C12orf42: variants seen among roughly 807,000 people sequenced by gnomAD.
C12orf42 encodes the protein uncharacterized protein C12orf42.
A neutral mutation model predicts 21.6 loss-of-function variants in C12orf42; 25 were observed. The observed-to-expected ratio is 1.16, with a 90% CI of 0.84 to 1.62. C12orf42 has a LOEUF of 1.62. C12orf42 is among the 40% of genes most tolerant of loss of function. The pLI, the probability that C12orf42 is intolerant of heterozygous loss-of-function variation, is 0.00. For synonymous variants in C12orf42, 174 were observed against 175.0 expected (o/e 0.99, Z 0.05); for missense variants, 483 against 459.3 (o/e 1.05, Z -0.47).
the C12orf42 span, among the ~76,000 whole-genome samples, chr12:103,065,683 C>T: frequency 3.1e-4 from 47 of 152,168 alleles, no homozygotes; most frequent in Non-Finnish European, 6.2e-4. Context: ...GACCTTCTAC[C>T]TTCGTAAAAT....
the C12orf42 span, among the ~76,000 whole-genome samples, chr12:103,058,463 C>T: frequency 6.6e-6 from 1 of 152,166 alleles, no homozygotes; most frequent in Admixed American, 6.5e-5. Context: ...AGGACTTGAA[C>T]TCAGCTCTGG....
the C12orf42 span, chr12:103,159,391 A>G: frequency 6.6e-6 from 1 of 152,198 alleles, no homozygotes; most frequent in African/African-American, 2.4e-5. Flanking sequence ...CCTGCCATAT[A>G]TACTAGACGT....
the C12orf42 span, among the ~76,000 whole-genome samples, chr12:103,226,524 G>T: frequency 6.6e-6 from 1 of 152,154 alleles, no homozygotes; most frequent in Non-Finnish European, 1.5e-5. Flanking sequence ...TCTGATTTGG[G>T]ATAAAGAAAA....
chr12:103,299,264 C>T (rs966566461), downstream of C12orf42, among the ~76,000 whole-genome samples: 6 of 151,800 alleles, frequency 4.0e-5, no homozygotes, highest in Non-Finnish European at 1.5e-5. Flanking sequence ...GTAACTACTT[C>T]GTGAAGCCAT....
intron 2 of C12orf42, among the ~76,000 whole-genome samples, chr12:103,445,744 A>G (rs1951538073): frequency 6.6e-6 from 1 of 152,068 alleles, no homozygotes; most frequent in African/African-American, 2.4e-5. Flanking sequence ...AATGGAATCA[A>G]TTCTTTAAGT....
the C12orf42 span, among the ~76,000 whole-genome samples, chr12:103,075,368 C>T: frequency 9.2e-5 from 14 of 152,138 alleles, no homozygotes; most frequent in East Asian, 1.4e-3. Flanking sequence ...TGTTAGAATT[C>T]GATGTAGATC....
At chr12:103,118,213 C>T in the C12orf42 span, among the ~76,000 whole-genome samples, 4 of 152,178 alleles carry the variant, frequency 2.6e-5, no homozygotes, top group South Asian at 2.1e-4. Context: ...AGAACAGGCA[C>T]CATGACTTAT....
At chr12:103,405,547 T>C (rs747794922) in intron 2 of C12orf42, among the ~76,000 whole-genome samples, 4 of 152,150 alleles carry the variant, frequency 2.6e-5, no homozygotes, top group Non-Finnish European at 5.9e-5. Flanking sequence ...TCATGACCTC[T>C]TTCCATCTGA....
At chr12:103,308,868 A>G (rs2038652664) in intron 4 of C12orf42, among the ~76,000 whole-genome samples, 1 of 152,202 alleles carries the variant, frequency 6.6e-6, no homozygotes, top group Non-Finnish European at 1.5e-5. Flanking sequence ...AAACAGAGAT[A>G]CAAACATGCA....
the C12orf42 span, among the ~76,000 whole-genome samples, chr12:103,116,587 G>C: frequency 7.9e-5 from 12 of 152,090 alleles, 1 homozygote; most frequent in Admixed American, 3.9e-4. Context: ...AGTATTCATT[G>C]TGTACTCACC....
the C12orf42 span, among the ~76,000 whole-genome samples, chr12:103,187,983 G>T: frequency 6.6e-6 from 1 of 152,156 alleles, no homozygotes; most frequent in Non-Finnish European, 1.5e-5. Flanking sequence ...TGTACTGCTT[G>T]CTACCTCAAT....
At chr12:103,344,920 C>T (rs141387681) in intron 4 of C12orf42, among the ~76,000 whole-genome samples, 25 of 152,308 alleles carry the variant, frequency 1.6e-4, no homozygotes, top group Non-Finnish European at 3.5e-4. Context: ...AGCTACTCTT[C>T]ACAAGGTAGC....
At chr12:103,085,232 G>A in the C12orf42 span, among the ~76,000 whole-genome samples, 2 of 152,032 alleles carry the variant, frequency 1.3e-5, no homozygotes, top group Non-Finnish European at 2.9e-5. Context: ...TAGAACCCAC[G>A]AGTTCCTACA....
At chr12:103,447,723 G>A (rs1790417109) in intron 2 of C12orf42, among the ~76,000 whole-genome samples, 1 of 151,804 alleles carries the variant, frequency 6.6e-6, no homozygotes, top group Admixed American at 6.6e-5. Flanking sequence ...AAATGCTTAG[G>A]AATATACCTA....
chr12:103,115,270 C>A, the C12orf42 span, among the ~76,000 whole-genome samples: 6 of 152,090 alleles, frequency 3.9e-5, no homozygotes, highest in Non-Finnish European at 8.8e-5. Context: ...TTTATTGCGA[C>A]CATAAAATAA....
At chr12:103,389,618 T>G (rs11111545) in intron 3 of C12orf42, among the ~76,000 whole-genome samples, 94 of 152,340 alleles carry the variant, frequency 6.2e-4, no homozygotes, top group African/African-American at 2.2e-3. Flanking sequence ...AATGTAAAAA[T>G]TCCACTGTAT....
chr12:103,090,487 G>A, the C12orf42 span, among the ~76,000 whole-genome samples: 1 of 152,006 alleles, frequency 6.6e-6, no homozygotes, highest in Non-Finnish European at 1.5e-5. Flanking sequence ...CTCTGCAAAT[G>A]GGCCTAAAAA....
chr12:103,068,030 G>T, the C12orf42 span, among the ~76,000 whole-genome samples: 2 of 152,154 alleles, frequency 1.3e-5, no homozygotes, highest in African/African-American at 4.8e-5. Context: ...CAGGAATGAA[G>T]GTTTGTGTCA....
chr12:103,302,113 G>T lies in C12orf42; in HGVS notation c.1078C>A (p.His360Asn). Reference sequence around the variant, plus strand: ...GAACAATTCCCTCGCAGCGGTCAATGTAAGTGAGCATTCACCACCGGCCTA... The same window carrying T: ...GAACAATTCCCTCGCAGCGGTCAATTTAAGTGAGCATTCACCACCGGCCTA... ...LSRPVVNAHL[H>N] is the part of the protein sequence containing the mutation. Residue 360 changes from histidine to asparagine, a missense_variant, in exon 6 of 6, where the codon CAT becomes AAT. His to Asn is a moderately conservative substitution (Grantham distance 68). Transcript: ENST00000548883. The T allele has an allele frequency of 6.3e-7, 1 of 1,598,964 alleles. No homozygotes were observed. Among genetic ancestry groups the T allele is most frequent in the Non-Finnish European group, 8.5e-7 (1 of 1,172,116 alleles).
Sources: gnomAD v4.1 joint callset for allele counts (sites outside exome capture counted in the v4.1 genomes callset) on GRCh38, gnomAD v4.1.1 for gene constraint, MANE v1.5 for transcripts, NCBI Gene and HGNC (gene_info 2026-07-23, HGNC 2026-07-21) for gene names.